The following LOXHD1 variants were observed in gnomAD, a reference collection of about 807,000 sequenced individuals.
LOXHD1 encodes lipoxygenase homology PLAT domains 1.
In LOXHD1, 205 loss-of-function variants were observed where a neutral mutation model predicts 248.2. That is an observed-to-expected ratio of 0.83 (90% CI 0.74 to 0.93). LOXHD1 has a LOEUF of 0.93. Ranked by LOEUF, LOXHD1 falls within the 40% of genes least tolerant of loss-of-function variation. The pLI, the probability that LOXHD1 is intolerant of heterozygous loss-of-function variation, is 0.00. For synonymous variants in LOXHD1, 1,113 were observed against 1,162.8 expected (o/e 0.96, Z 0.87); for missense variants, 2,930 against 2,971.6 (o/e 0.99, Z 0.33).
chr18:46,507,664 C>T lies in LOXHD1; in HGVS notation c.5566G>A (p.Gly1856Arg). Residue 1856 changes from glycine (G) to arginine (R), a missense_variant, in exon 36 of 41, where the codon GGA becomes AGA. Transcript: ENST00000642948. ...NTGDLTMFYY[G>R]DWLSQRKGKK... ...CCCTTCCGCTGGGACAGCCAGTCTCCATAGTAGAACATGGTCAGGTCTCCA... is the reference window on the plus strand; with the variant it reads ...CCCTTCCGCTGGGACAGCCAGTCTCTATAGTAGAACATGGTCAGGTCTCCA... The T allele has an allele frequency of 1.3e-6, 2 of 1,551,740 alleles. No homozygotes were observed. Among genetic ancestry groups the T allele is most frequent in the South Asian group, 1.2e-5 (1 of 84,056 alleles).
rs909926147 is a variant in LOXHD1, at chr18:46,524,574, A to G, written c.4768T>C (p.Cys1590Arg). ...TCCCAGAAGTCAGCAGGGCTGCTGC[A>G]GTTGCTGCTGCGGTCCCCAGTGTAC... ...KEYTGDRSSN[C>R]SSPADFWEIA... Residue 1590 changes from cysteine to arginine, a missense_variant, in exon 31 of 41, where the codon TGC becomes CGC. Transcript: ENST00000642948. The G allele has an allele frequency of 9.0e-6, 14 of 1,551,732 alleles. No homozygotes were observed. Among genetic ancestry groups the G allele is most frequent in the South Asian group, 1.2e-5 (1 of 84,066 alleles).
intron 12 of LOXHD1, among the ~76,000 whole-genome samples, chr18:46,581,188 G>C (rs1262016857): frequency 2.0e-5 from 3 of 152,184 alleles, no homozygotes; most frequent in African/African-American, 7.2e-5. Context: ...TAGTCTAGAA[G>C]AGAGGATGGT....
intron 34 of LOXHD1, among the ~76,000 whole-genome samples, chr18:46,516,795 C>T (rs574824553): frequency 2.0e-5 from 3 of 152,120 alleles, no homozygotes; most frequent in Admixed American, 6.5e-5. Context: ...CCATCACCTT[C>T]ACCCCTATTA....
At chr18:46,502,159 A>G (rs1234453792) in intron 37 of LOXHD1, among the ~76,000 whole-genome samples, 1 of 152,246 alleles carries the variant, frequency 6.6e-6, no homozygotes, top group Non-Finnish European at 1.5e-5. Context: ...CCAGGAAACT[A>G]TGGAGTAGGG....
At chr18:46,632,285 T>A (rs1287757397) in intron 4 of LOXHD1, among the ~76,000 whole-genome samples, 3 of 152,224 alleles carry the variant, frequency 2.0e-5, no homozygotes, top group South Asian at 2.1e-4. Flanking sequence ...CCTGGCACTC[T>A]GAGCCATGAT....
At chr18:46,497,223 G>T (rs2033928340) in intron 37 of LOXHD1, among the ~76,000 whole-genome samples, 1 of 152,118 alleles carries the variant, frequency 6.6e-6, no homozygotes, top group Admixed American at 6.5e-5. Context: ...ATAGTTTTTG[G>T]TTATCCAAAG....
chr18:46,553,164 C>T (rs559702492), intron 21 of LOXHD1, among the ~76,000 whole-genome samples: 1 of 152,336 alleles, frequency 6.6e-6, no homozygotes, highest in South Asian at 2.1e-4. Context: ...TTCCTGCAGC[C>T]TTTCCCAGCT....
At chr18:46,518,354 G>C (rs866256057) in intron 33 of LOXHD1, 98 bp from the exon 34 acceptor site, 2 of 1,406,580 alleles carry the variant, frequency 1.4e-6, no homozygotes, top group Middle Eastern at 3.6e-4. Context: ...CACTGTCCAA[G>C]TTCCACAGCT....
Position 46,649,162 on chromosome 18 carries a change from T to C in LOXHD1, c.238A>G (p.Thr80Ala). ...ENGLSPKLQLTSKSKSAFEKG... is the reference protein window; with the variant it reads ...ENGLSPKLQLASKSKSAFEKG... ...GGCCAAGTGGGTACTCACTTGCTGG[T>C]GAGCTGGAGCTTGGGAGAGAGCCCA... The change falls in exon 2 of 41, where the codon ACC (threonine) becomes GCC (alanine). Residue 80 changes from threonine (T) to alanine (A), a missense_variant. By Grantham distance (58) the Thr-to-Ala change is moderately conservative. Coordinates refer to ENST00000642948, the MANE Select transcript of LOXHD1 (RefSeq NM_001384474.1). 1.9e-6 allele frequency: 3 copies of C among 1,551,648 alleles called. No individual in the cohort carries two copies. The highest frequency in any genetic ancestry group is 2.6e-6 in the Non-Finnish European group (3 of 1,146,946).
intron 19 of LOXHD1, 133 bp from the exon 20 acceptor site, chr18:46,559,735 T>C: frequency 9.5e-7 from 1 of 1,051,212 alleles, no homozygotes. Context: ...AACCTGGGAC[T>C]GAAACTGCCC....
intron 8 of LOXHD1, among the ~76,000 whole-genome samples, chr18:46,596,780 T>C (rs1007876711): frequency 5.9e-5 from 9 of 152,114 alleles, no homozygotes; most frequent in African/African-American, 2.2e-4. Flanking sequence ...AAAAAACAGA[T>C]AGTGGCAATT....
At chr18:46,625,851 A>G (rs1035896470) in intron 4 of LOXHD1, among the ~76,000 whole-genome samples, 1 of 151,768 alleles carries the variant, frequency 6.6e-6, no homozygotes, top group African/African-American at 2.4e-5. Flanking sequence ...CTGCCTCTCT[A>G]CGGAAGACCC....
intron 4 of LOXHD1, among the ~76,000 whole-genome samples, chr18:46,620,818 G>A (rs917062404): frequency 6.6e-6 from 1 of 152,206 alleles, no homozygotes; most frequent in African/African-American, 2.4e-5. Flanking sequence ...AGGAGATCAA[G>A]GAGACATCTC....
intron 26 of LOXHD1, among the ~76,000 whole-genome samples, chr18:46,537,086 T>G (rs1408015522): frequency 6.6e-6 from 1 of 152,228 alleles, no homozygotes; most frequent in Non-Finnish European, 1.5e-5. Context: ...CTGCTAGGAA[T>G]GCCTTTCCTC....
intron 36 of LOXHD1, among the ~76,000 whole-genome samples, chr18:46,506,883 T>C (rs560827853): frequency 6.6e-6 from 1 of 152,266 alleles, no homozygotes; most frequent in South Asian, 2.1e-4. Flanking sequence ...AGAGCAGGCT[T>C]GGGATAGGGG....
At chr18:46,594,534 C>A in intron 8 of LOXHD1, 68 bp from the exon 9 acceptor site, 1 of 1,534,790 alleles carries the variant, frequency 6.5e-7, no homozygotes. Context: ...TGATGTTCAG[C>A]AGGCTCCCAG....
intron 15 of LOXHD1, 70 bp from the exon 16 acceptor site, chr18:46,569,708 G>A (rs916547568): frequency 6.4e-6 from 8 of 1,244,200 alleles, no homozygotes; most frequent in East Asian, 5.1e-5. Context: ...CAGGGTGCGT[G>A]TATAGGAGGG....
chr18:46,579,712 C>G lies in LOXHD1; in HGVS notation c.1727G>C (p.Cys576Ser), dbSNP rs1032881297. The stretch of plus-strand genomic sequence containing the variant: ...CGTGTCCCCCACATCACCAAAAAGG[C>G]AGAGATAGACGTTGGCATCGGTCCC... ...GAGTDANVYLCLFGDVGDTGE... is the reference protein window; with the variant it reads ...GAGTDANVYLSLFGDVGDTGE... The change falls in exon 13 of 41, where the codon TGC (cysteine) becomes TCC (serine). Residue 576 changes from cysteine (C) to serine (S), a missense_variant. Physicochemically the swap from Cys to Ser is moderately radical, Grantham distance 112. Transcript: ENST00000642948. 9.7e-6 allele frequency: 15 copies of G among 1,551,682 alleles called. No individual in the cohort carries two copies. In the African/African-American group the frequency reaches 1.9e-4, roughly 20 times the overall value.
chr18:46,607,373 A>G (rs2038432575), intron 6 of LOXHD1, among the ~76,000 whole-genome samples: 1 of 149,986 alleles, frequency 6.7e-6, no homozygotes, highest in South Asian at 2.1e-4. Flanking sequence ...ATATATGTAC[A>G]TATATACATA....
Sources: allele counts gnomAD v4.1 joint callset (sites outside exome capture counted in the v4.1 genomes callset), GRCh38; gene constraint gnomAD v4.1.1; transcripts MANE v1.5; gene names NCBI Gene and HGNC (gene_info 2026-07-23, HGNC 2026-07-21).